Variants in HTR1D observed in about 807,000 individuals in gnomAD.
The protein encoded by HTR1D is 5-hydroxytryptamine receptor 1D.
In HTR1D, 18 loss-of-function variants were observed where a neutral mutation model predicts 21.1. That is an observed-to-expected ratio of 0.85 (90% confidence interval 0.59 to 1.27). The LOEUF (loss-of-function observed/expected upper bound fraction) is 1.27, where lower values mean the gene tolerates loss of function less well. Ranked by LOEUF, HTR1D falls within the 50% of genes most tolerant of loss-of-function variation. HTR1D has a pLI of 0.00. For synonymous variants in HTR1D, 196 were observed against 204.4 expected, an observed-to-expected ratio of 0.96 and a Z score of 0.35; for missense variants, 456 against 481.4, an observed-to-expected ratio of 0.95 and a Z score of 0.49.
rs1644682416 is a variant in HTR1D at position 23,195,007 on chromosome 1, A to T, written c.-782-6T>A. Among the ~76,000 whole-genome samples the T allele has an allele frequency of 6.6e-6, 1 of 152,200 alleles. No homozygotes were observed. Among genetic ancestry groups the T allele is most frequent in the African/African-American group, 2.4e-5 (1 of 41,442 alleles). Reference sequence around the variant, plus strand: ...CAGGGACACATTCAGAAGATCTGGGATTTAAAAAAGAAAAAAAATAGAGTT... The same window carrying T: ...CAGGGACACATTCAGAAGATCTGGGTTTTAAAAAAGAAAAAAAATAGAGTT... On this transcript the variant is annotated splice_polypyrimidine_tract_variant and splice_region_variant and intron_variant, in intron 1 of 1. Coordinates refer to ENST00000374619, the MANE Select transcript of HTR1D (RefSeq NM_000864.5).
chr1:23,195,546 G>A (rs942082837), intron 1 of HTR1D, among the ~76,000 whole-genome samples: 1 of 151,818 alleles, frequency 6.6e-6, no homozygotes. Flanking sequence ...TCAAGCGATT[G>A]TCCTGCCTCA....
At chr1:23,208,969 T>A (rs543544622) in intron 1 of HTR1D, among the ~76,000 whole-genome samples, 4 of 151,478 alleles carry the variant, frequency 2.6e-5, no homozygotes, top group African/African-American at 9.7e-5. Flanking sequence ...TTGGGTGTAG[T>A]AGGTTAATAG....
intron 1 of HTR1D, among the ~76,000 whole-genome samples, chr1:23,211,966 A>G (rs11585187): frequency 0.17 from 25,464 of 151,890 alleles, 2,382 homozygotes; most frequent in Middle Eastern, 0.26. Flanking sequence ...CCCAGCCCCA[A>G]ATCCTTTTCT....
intron 1 of HTR1D, among the ~76,000 whole-genome samples, chr1:23,198,206 A>G (rs1308660207): frequency 1.3e-5 from 2 of 150,922 alleles, no homozygotes. Context: ...AAAAATACAA[A>G]AAAAAAAAAA....
At position 23,193,058 on chromosome 1, in the gene HTR1D, A is replaced by C. The variant is rs1569750078; in HGVS notation, c.*28T>G. The C allele has an allele frequency of 1.3e-6, 2 of 1,499,096 alleles. No homozygotes were observed. The highest frequency in any genetic ancestry group is 1.8e-6 in the Non-Finnish European group (2 of 1,104,914). 92.9% of individuals were successfully genotyped at this position (1,499,096 alleles called of 1,614,324 possible). ...TCCCGATGAGGTTACAGGACACAAAAGATAACAAGAGTCATCACCGAATAA... is the reference window on the plus strand; with the variant it reads ...TCCCGATGAGGTTACAGGACACAAACGATAACAAGAGTCATCACCGAATAA... On this transcript the variant is annotated 3_prime_UTR_variant, in exon 2 of 2. Transcript: ENST00000374619.
intron 1 of HTR1D, among the ~76,000 whole-genome samples, chr1:23,205,559 T>G (rs922920405): frequency 6.6e-6 from 1 of 152,210 alleles, no homozygotes; most frequent in African/African-American, 2.4e-5. Context: ...TTTGTTTTGT[T>G]TTTGAGACAG....
rs1644665897 is a variant in HTR1D, at chr1:23,193,087, T to C, written c.1133A>G (p.Ter378TrpextTer14). 2 of 1,601,684 alleles carry C rather than the reference T, an allele frequency of 1.2e-6. No individual in the cohort carries two copies. Among genetic ancestry groups the C allele is most frequent in the Non-Finnish European group, 1.7e-6 (2 of 1,172,854 alleles). ...AACAAGAGTCATCACCGAATAAGAC[T>C]AGGAGGCCTTCCGGAAAGGGACAAT... ...QKIVPFRKAS[*>W] Residue 378 changes from the stop codon to tryptophan, a stop_lost, in exon 2 of 2, where the codon TAG (stop) becomes TGG (tryptophan). Coordinates refer to ENST00000374619, the MANE Select transcript of HTR1D (RefSeq NM_000864.5).
intron 1 of HTR1D, among the ~76,000 whole-genome samples, chr1:23,204,405 A>G (rs543041694): frequency 3.2e-4 from 49 of 152,306 alleles, no homozygotes; most frequent in Non-Finnish European, 1.0e-4. Flanking sequence ...GATTACAGGC[A>G]TGAGCCACCA....
chr1:23,216,605 C>G (rs1644774287), intron 1 of HTR1D, among the ~76,000 whole-genome samples: 2 of 152,238 alleles, frequency 1.3e-5, no homozygotes, highest in Admixed American at 1.3e-4. Context: ...TGTAATAAAG[C>G]AGATTTCTCA....
Position 23,193,161 on chromosome 1 carries a change from TG to T in HTR1D, c.1058del (p.Pro353GlnfsTer2), listed in dbSNP as rs1233355832. ...CTTCATTAAACACAGTGTAGATTATTGGATTGATGAGGGAGTTTAAATAGCC... is the reference window on the plus strand; with the variant it reads ...CTTCATTAAACACAGTGTAGATTATTGATTGATGAGGGAGTTTAAATAGCC... ...WLGYLNSLIN[P>X]IIYTVFNEEF... On this transcript the variant is annotated frameshift_variant, in exon 2 of 2. Coordinates refer to ENST00000374619, the MANE Select transcript of HTR1D (RefSeq NM_000864.5). LOFTEE classifies it high-confidence loss of function. The T allele has an allele frequency of 1.2e-6, 2 of 1,612,968 alleles. No individual in the cohort carries two copies. The highest frequency in any genetic ancestry group is 1.7e-6 in the Non-Finnish European group (2 of 1,179,716).
At chr1:23,199,106 C>T (rs7533524) in intron 1 of HTR1D, among the ~76,000 whole-genome samples, 53,251 of 151,622 alleles carry the variant, frequency 0.35, 9,861 homozygotes, top group African/African-American at 0.47. Context: ...GGATTATAGG[C>T]GTGAGCCACC....
At position 23,194,315 on chromosome 1, in the gene HTR1D, A is replaced by G; in HGVS notation, c.-96T>C. The stretch of plus-strand genomic sequence containing the variant: ...GAGCAAAGTCATCCTTCTGCTTCAC[A>G]CTGGTGGGAGCCGTACACCAGAACA... On this transcript the variant is annotated 5_prime_UTR_variant, in exon 2 of 2. Transcript: ENST00000374619. The G allele has an allele frequency of 1.7e-6, 2 of 1,148,838 alleles. No individual in the cohort carries two copies. The highest frequency in any genetic ancestry group is 2.5e-6 in the Non-Finnish European group (2 of 793,924). 71.2% of individuals were successfully genotyped at this position (1,148,838 alleles called of 1,614,324 possible).
intron 1 of HTR1D, among the ~76,000 whole-genome samples, 105 bp from the exon 2 acceptor site, chr1:23,195,106 G>C (rs1372663071): frequency 6.6e-6 from 1 of 152,180 alleles, no homozygotes; most frequent in Non-Finnish European, 1.5e-5. Context: ...AGCTGGCCAT[G>C]GTGCTGTGAA....
chr1:23,201,129 T>C (rs1644707750), intron 1 of HTR1D, among the ~76,000 whole-genome samples: 2 of 152,122 alleles, frequency 1.3e-5, no homozygotes, highest in African/African-American at 4.8e-5. Context: ...AATGAGCCAA[T>C]CAGATTCTCT....
Position 23,193,268 on chromosome 1 carries a change from A to C in HTR1D, c.952T>G (p.Phe318Val), listed in dbSNP as rs200052654. 6.8e-6 allele frequency: 11 copies of C among 1,614,068 alleles called. No individual in the cohort carries two copies. The highest frequency in any genetic ancestry group is 9.3e-6 in the Non-Finnish European group (11 of 1,180,034). Reference protein sequence around the residue: ...GAFIICWLPFFVVSLVLPICR... With the variant: ...GAFIICWLPFVVVSLVLPICR... Reference sequence around the variant, plus strand: ...ATGGGGAGGACCAGAGACACCACGAAGAAGGGCAGCCAGCAGATGATAAAG... The same window carrying C: ...ATGGGGAGGACCAGAGACACCACGACGAAGGGCAGCCAGCAGATGATAAAG... Residue 318 changes from phenylalanine to valine, a missense_variant, in exon 2 of 2, where the codon TTC becomes GTC. Physicochemically the swap from Phe to Val is conservative, Grantham distance 50. Transcript: ENST00000374619.
In HTR1D at chr1:23,194,492, C is replaced by T; in HGVS notation, c.-273G>A. 1 of 219,368 alleles carries T rather than the reference C, an allele frequency of 4.6e-6. No individual in the cohort carries two copies. The allele number at this position is 219,368 out of a possible 1,614,324, so 13.6% of individuals were successfully genotyped here. On this transcript the variant is annotated 5_prime_UTR_variant, in exon 2 of 2. Coordinates refer to ENST00000374619, the MANE Select transcript of HTR1D (RefSeq NM_000864.5). ...TACCAGCTGGTAGTTAAAGGTCTTT[C>T]CTAAACCACAGGAATCCCAAGATGT...
intron 1 of HTR1D, among the ~76,000 whole-genome samples, chr1:23,198,437 A>G (rs1017269952): frequency 3.3e-5 from 5 of 152,046 alleles, no homozygotes; most frequent in African/African-American, 1.2e-4. Context: ...GAGAAACTTC[A>G]TAAGCAAACA....
At chr1:23,204,828 C>A (rs1456910257) in intron 1 of HTR1D, among the ~76,000 whole-genome samples, 1 of 152,140 alleles carries the variant, frequency 6.6e-6, no homozygotes, top group African/African-American at 2.4e-5. Flanking sequence ...TAGAACAGAG[C>A]CTCTCACACA....
At position 23,192,783 on chromosome 1, in the gene HTR1D, G is replaced by A. The variant is rs1179323127; in HGVS notation, c.*303C>T. ...ACCCGGGATGCGGAGGTTGCAGTGAGCTGAGATTGTGCCACTACACTCCAG... is the reference window on the plus strand; with the variant it reads ...ACCCGGGATGCGGAGGTTGCAGTGAACTGAGATTGTGCCACTACACTCCAG... On this transcript the variant is annotated 3_prime_UTR_variant, in exon 2 of 2. Coordinates refer to ENST00000374619, the MANE Select transcript of HTR1D (RefSeq NM_000864.5). The A allele has an allele frequency of 2.0e-5, 4 of 203,968 alleles. No homozygotes were observed. In the South Asian group the frequency reaches 4.7e-4, roughly 24 times the overall value. 12.6% of individuals were successfully genotyped at this position (203,968 alleles called of 1,614,324 possible).
Sources: gnomAD v4.1 joint callset for allele counts (sites outside exome capture counted in the v4.1 genomes callset) on GRCh38, gnomAD v4.1.1 for gene constraint, MANE v1.5 for transcripts, NCBI Gene and HGNC (gene_info 2026-07-23, HGNC 2026-07-21) for gene names.